TACR1: variants seen among roughly 807,000 people sequenced by gnomAD.
TACR1 encodes the protein substance-P receptor.
In TACR1, 25 loss-of-function variants were observed where a neutral mutation model predicts 35.8. The observed-to-expected ratio is 0.70, with a 90% CI of 0.51 to 0.98. TACR1 has a LOEUF of 0.98. Ranked by LOEUF, TACR1 falls within the 50% of genes least tolerant of loss-of-function variation. The pLI, the probability that TACR1 is intolerant of heterozygous loss-of-function variation, is 0.00. For synonymous variants in TACR1, 195 were observed against 206.7 expected, an observed-to-expected ratio of 0.94 and a Z score of 0.48; for missense variants, 478 against 522.9, an observed-to-expected ratio of 0.91 and a Z score of 0.84.
intron 3 of TACR1, among the ~76,000 whole-genome samples, chr2:75,051,802 A>G (rs539231796): frequency 1.2e-3 from 176 of 152,322 alleles, no homozygotes; most frequent in Non-Finnish European, 1.2e-3. Context: ...GCATACTCAC[A>G]TTTGGGGACT....
At chr2:75,191,921 G>A (rs1675857037) in intron 1 of TACR1, among the ~76,000 whole-genome samples, 1 of 152,136 alleles carries the variant, frequency 6.6e-6, no homozygotes, top group East Asian at 1.9e-4. Context: ...CTGTTTTCAT[G>A]GAGCTTGCAA....
At chr2:75,136,935 A>G (rs969370668) in intron 1 of TACR1, among the ~76,000 whole-genome samples, 5 of 152,222 alleles carry the variant, frequency 3.3e-5, no homozygotes, top group African/African-American at 1.2e-4. Flanking sequence ...GAGATCTGTG[A>G]TGCCTACAAC....
intron 1 of TACR1, among the ~76,000 whole-genome samples, chr2:75,165,696 C>T (rs1377395645): frequency 6.6e-6 from 1 of 152,156 alleles, no homozygotes; most frequent in African/African-American, 2.4e-5. Flanking sequence ...AGTGAGTTCT[C>T]ATAAAATATG....
chr2:75,127,369 TATTA>T (rs1009654187), intron 1 of TACR1, among the ~76,000 whole-genome samples: 2 of 152,226 alleles, frequency 1.3e-5, no homozygotes, highest in African/African-American at 2.4e-5. Flanking sequence ...TCATTTTTAT[TATTA>T]ATTAATTATT....
rs187231317 is a variant in TACR1 at position 75,063,180 on chromosome 2, G to C, written c.585-9425C>G. 7.0e-4 allele frequency among the ~76,000 whole-genome samples: 106 copies of C among 152,292 alleles called. 1 individual carries two copies. Among genetic ancestry groups the C allele is most frequent in the African/African-American group, 2.3e-3 (96 of 41,554 alleles). Reference sequence around the variant, plus strand: ...TCCCACTGGGTCCTTTTCACAACACGTGGGAATTCAAGATGAGATTTGAGT... The same window carrying C: ...TCCCACTGGGTCCTTTTCACAACACCTGGGAATTCAAGATGAGATTTGAGT... On this transcript the variant is annotated intron_variant, in intron 2 of 4. Coordinates refer to ENST00000305249, the MANE Select transcript of TACR1 (RefSeq NM_001058.4).
rs140907062 is a variant in TACR1, at chr2:75,153,162, A to G, written c.390-32394T>C. Among the ~76,000 whole-genome samples, 955 of 152,282 alleles carry G rather than the reference A, an allele frequency of 6.3e-3. 7 individuals are homozygous for G. The highest frequency in any genetic ancestry group is 0.011 in the Non-Finnish European group (734 of 68,018). On this transcript the variant is annotated intron_variant, in intron 1 of 4. Transcript: ENST00000305249. The stretch of plus-strand genomic sequence containing the variant: ...GTGATCTGCCCACCTTGGCCTCCCA[A>G]ATTGCTGGGATTACAGGCGTGAGCC...
At chr2:75,116,100 C>T (rs1400772569) in intron 2 of TACR1, among the ~76,000 whole-genome samples, 2 of 151,762 alleles carry the variant, frequency 1.3e-5, no homozygotes, top group East Asian at 3.9e-4. Context: ...TTATAAGACA[C>T]CACATTTTTT....
chr2:75,191,012 C>T (rs945670374), intron 1 of TACR1, among the ~76,000 whole-genome samples: 1 of 152,186 alleles, frequency 6.6e-6, no homozygotes, highest in African/African-American at 2.4e-5. Flanking sequence ...TCATATGTAG[C>T]ATTAAAACTC....
At chr2:75,171,700 C>T (rs1287071342) in intron 1 of TACR1, among the ~76,000 whole-genome samples, 10 of 152,196 alleles carry the variant, frequency 6.6e-5, no homozygotes, top group East Asian at 1.9e-4. Flanking sequence ...GGATGTGAGA[C>T]GTGGACTTTA....
At chr2:75,171,522 C>T (rs1395873545) in intron 1 of TACR1, among the ~76,000 whole-genome samples, 1 of 152,156 alleles carries the variant, frequency 6.6e-6, no homozygotes, top group East Asian at 1.9e-4. Context: ...GGGCCACCAT[C>T]CTTCAGACCC....
chr2:75,118,445 A>G (rs915275641), intron 2 of TACR1, among the ~76,000 whole-genome samples: 6 of 152,226 alleles, frequency 3.9e-5, no homozygotes, highest in Non-Finnish European at 7.3e-5. Context: ...AATGGCAAAC[A>G]TAACTGTACA....
At position 75,134,367 on chromosome 2, in the gene TACR1, C is replaced by A. The variant is rs538513717; in HGVS notation, c.390-13599G>T. ...CATTCAATAAGCCTTATTTAACCCC[C>A]TTTCTATATGTCAGAGAAGGGCTCA... On this transcript the variant is annotated intron_variant, in intron 1 of 4. Transcript: ENST00000305249. Among the ~76,000 whole-genome samples the A allele has an allele frequency of 3.9e-5, 6 of 152,314 alleles. No homozygotes were observed. The South Asian group carries it at 1.2e-3, about 32-fold the overall frequency.
At chr2:75,103,359 A>G (rs370949396) in intron 2 of TACR1, among the ~76,000 whole-genome samples, 4 of 152,236 alleles carry the variant, frequency 2.6e-5, no homozygotes, top group East Asian at 1.9e-4. Context: ...TAGAAACTAA[A>G]AACAAAACAA....
rs560920702 is a variant in TACR1 at position 75,164,335 on chromosome 2, A to AG, written c.389+34210_389+34211insC. 3.1e-3 allele frequency among the ~76,000 whole-genome samples: 470 copies of AG among 151,852 alleles called. 3 individuals carry two copies. The highest frequency in any genetic ancestry group is 0.01 in the African/African-American group (422 of 41,392). ...GAGCAAGACTCCATCTTAAAAAAAA[A>AG]AAAAAGAAAAAGCAGGAATGACAAT... On this transcript the variant is annotated intron_variant, in intron 1 of 4. Coordinates refer to ENST00000305249, the MANE Select transcript of TACR1 (RefSeq NM_001058.4).
chr2:75,136,678 A>G (rs992133781), intron 1 of TACR1, among the ~76,000 whole-genome samples: 3 of 152,220 alleles, frequency 2.0e-5, no homozygotes, highest in Non-Finnish European at 4.4e-5. Flanking sequence ...GGTCAAAGTC[A>G]TAACAGGCGC....
At chr2:75,096,568 A>C (rs955057772) in intron 2 of TACR1, among the ~76,000 whole-genome samples, 1 of 152,214 alleles carries the variant, frequency 6.6e-6, no homozygotes, top group South Asian at 2.1e-4. Context: ...GCTATTGTGC[A>C]AATAGAGAGC....
intron 2 of TACR1, among the ~76,000 whole-genome samples, chr2:75,071,774 C>T (rs1477614332): frequency 6.6e-6 from 1 of 152,186 alleles, no homozygotes; most frequent in Admixed American, 6.5e-5. Flanking sequence ...ACTTAGTGCC[C>T]AGATTAATGC....
At chr2:75,164,594 A>G (rs956586439) in intron 1 of TACR1, among the ~76,000 whole-genome samples, 1 of 152,246 alleles carries the variant, frequency 6.6e-6, no homozygotes, top group Non-Finnish European at 1.5e-5. Flanking sequence ...CTGTTGAATT[A>G]CTTTGGGCTC....
At chr2:75,125,871 C>G (rs960368930) in intron 1 of TACR1, among the ~76,000 whole-genome samples, 1 of 152,170 alleles carries the variant, frequency 6.6e-6, no homozygotes, top group Non-Finnish European at 1.5e-5. Context: ...TGTTGACTAA[C>G]TTTTGTGTTG....
Sources: gnomAD v4.1 joint callset for allele counts (sites outside exome capture counted in the v4.1 genomes callset) on GRCh38, gnomAD v4.1.1 for gene constraint, MANE v1.5 for transcripts, NCBI Gene and HGNC (gene_info 2026-07-23, HGNC 2026-07-21) for gene names.